The following GRIK1 variants were observed in gnomAD, a reference collection of about 807,000 sequenced individuals.
GRIK1 encodes the protein glutamate receptor ionotropic, kainate 1.
GRIK1 carries 69 observed loss-of-function variants against 105.7 expected under a neutral mutation model. The ratio of observed to expected loss-of-function variants is 0.65; its 90% CI spans 0.54 to 0.80. The LOEUF (loss-of-function observed/expected upper bound fraction) is 0.80, where lower values mean the gene tolerates loss of function less well. Ranked by LOEUF, GRIK1 falls within the 30% of genes least tolerant of loss-of-function variation. GRIK1 has a pLI of 0.00. For missense variants in GRIK1, 1,109 were observed against 1,167.3 expected (o/e 0.95, Z 0.73); for synonymous variants, 438 against 431.3 (o/e 1.02, Z -0.19).
intron 7 of GRIK1, among the ~76,000 whole-genome samples, chr21:29,636,257 C>G (rs2062395771): frequency 6.6e-6 from 1 of 152,120 alleles, no homozygotes; most frequent in African/African-American, 2.4e-5. Flanking sequence ...ATATCTTAGA[C>G]TGGATATTCT....
chr21:29,753,667 C>T (rs1224852873), intron 1 of GRIK1, among the ~76,000 whole-genome samples: 1 of 152,170 alleles, frequency 6.6e-6, no homozygotes, highest in Admixed American at 6.5e-5. Context: ...AAAGCAGATA[C>T]TGGCAGGCTA....
At chr21:29,862,733 T>C (rs1203896672) in intron 1 of GRIK1, among the ~76,000 whole-genome samples, 3 of 152,220 alleles carry the variant, frequency 2.0e-5, no homozygotes, top group Non-Finnish European at 4.4e-5. Context: ...AAACATTCAG[T>C]GAAACTAAGT....
chr21:29,555,127 G>C lies in GRIK1; in HGVS notation c.2532C>G (p.Ala844=). ...CTACAAATACAGAAAGGACCAGTCC[G>C]GCAGCCAGAACAATGAAGATGCCTC... ...NIGGIFIVLA[A]GLVLSVFVAI... is the part of the protein sequence containing the mutation. The change falls in exon 16 of 18, where the codon GCC becomes GCG. Residue 844 remains alanine (A), a synonymous_variant. Coordinates refer to ENST00000327783, the MANE Select transcript of GRIK1 (RefSeq NM_001330994.2). 1.2e-6 allele frequency: 2 copies of C among 1,613,252 alleles called. No homozygotes were observed. The highest frequency in any genetic ancestry group is 1.7e-6 in the Non-Finnish European group (2 of 1,179,290).
intron 3 of GRIK1, among the ~76,000 whole-genome samples, chr21:29,684,930 A>G (rs972524745): frequency 6.6e-6 from 1 of 152,046 alleles, no homozygotes; most frequent in Non-Finnish European, 1.5e-5. Flanking sequence ...TCATCTACCT[A>G]TCATCTGTCT....
intron 1 of GRIK1, among the ~76,000 whole-genome samples, chr21:29,910,449 A>G (rs1426712249): frequency 6.6e-6 from 1 of 152,120 alleles, no homozygotes; most frequent in Non-Finnish European, 1.5e-5. Flanking sequence ...AGAAATTAGC[A>G]ATGTACAAGT....
rs2062731476 is a variant in GRIK1 at position 29,651,301 on chromosome 21, A to T, written c.781-10T>A. On this transcript the variant is annotated splice_polypyrimidine_tract_variant and intron_variant, in intron 5 of 17. Coordinates refer to ENST00000327783, the MANE Select transcript of GRIK1 (RefSeq NM_001330994.2). ...CCAAAGCAAATAAGTCCTGCATAGT[A>T]TCAAAAAGGATAACAGTGGAAAATA... is the stretch of plus-strand genomic sequence containing the variant. The T allele has an allele frequency of 1.3e-6, 2 of 1,569,180 alleles. No homozygotes were observed. Among genetic ancestry groups the T allele is most frequent in the East Asian group, 4.5e-5 (2 of 44,480 alleles).
At position 29,641,986 on chromosome 21, in the gene GRIK1, C is replaced by T. The variant is rs551090042; in HGVS notation, c.1098+840G>A. Among the ~76,000 whole-genome samples, 3 of 152,266 alleles carry T rather than the reference C, an allele frequency of 2.0e-5. No individual in the cohort carries two copies. The East Asian group carries it at 5.8e-4, about 29-fold the overall frequency. ...CTCCAGTACAGAAAGGAAAAAAATA[C>T]TCTTCACTTGAGAACTAAATGTCTG... On this transcript the variant is annotated intron_variant, in intron 7 of 17. Transcript: ENST00000327783.
rs182809307 is a variant in GRIK1 at position 29,839,573 on chromosome 21, A to G, written c.118+99810T>C. ...AAAAGTGAGACTTGGTAGCATGTGT[A>G]TGACTTAGGGATTTGAGCTGATAGT... On this transcript the variant is annotated intron_variant, in intron 1 of 17. Coordinates refer to ENST00000327783, the MANE Select transcript of GRIK1 (RefSeq NM_001330994.2). Among the ~76,000 whole-genome samples, 162 of 152,332 alleles carry G rather than the reference A, an allele frequency of 1.1e-3. No individual in the cohort carries two copies. The Middle Eastern group carries it at 0.014, about 13-fold the overall frequency.
chr21:29,540,507 T>G (rs1341244835), intron 16 of GRIK1, among the ~76,000 whole-genome samples: 1 of 152,160 alleles, frequency 6.6e-6, no homozygotes, highest in Non-Finnish European at 1.5e-5. Flanking sequence ...TGAGCTTGAG[T>G]AAACCACACA....
intron 7 of GRIK1, among the ~76,000 whole-genome samples, chr21:29,605,543 T>G (rs1455182284): frequency 6.6e-6 from 1 of 152,178 alleles, no homozygotes; most frequent in East Asian, 1.9e-4. Context: ...GCATGTATCT[T>G]TATAATAGAA....
intron 1 of GRIK1, among the ~76,000 whole-genome samples, chr21:29,870,483 T>A (rs980569703): frequency 6.6e-6 from 1 of 151,642 alleles, no homozygotes; most frequent in Non-Finnish European, 1.5e-5. Flanking sequence ...AATAAAATGT[T>A]TTACATTTTA....
At chr21:29,803,898 G>T (rs1833150916) in intron 1 of GRIK1, among the ~76,000 whole-genome samples, 1 of 152,020 alleles carries the variant, frequency 6.6e-6, no homozygotes, top group African/African-American at 2.4e-5. Context: ...ATTATTTCTA[G>T]TTGGGGTCTG....
chr21:29,544,384 G>T (rs1434519349), intron 16 of GRIK1, among the ~76,000 whole-genome samples: 2 of 152,150 alleles, frequency 1.3e-5, no homozygotes, highest in Admixed American at 1.3e-4. Context: ...TAGGGGATGT[G>T]TAAGTTCATC....
intron 1 of GRIK1, among the ~76,000 whole-genome samples, chr21:29,879,216 G>A (rs2069305806): frequency 6.6e-6 from 1 of 152,078 alleles, no homozygotes; most frequent in Non-Finnish European, 1.5e-5. Context: ...ACAATAGCGG[G>A]GAAGCTATTA....
chr21:29,849,048 T>C (rs1253830490), intron 1 of GRIK1, among the ~76,000 whole-genome samples: 2 of 152,148 alleles, frequency 1.3e-5, no homozygotes, highest in East Asian at 3.9e-4. Flanking sequence ...ACACATAGTA[T>C]AGTTCCTGGC....
chr21:29,836,825 A>G (rs752032107), intron 1 of GRIK1, among the ~76,000 whole-genome samples: 1 of 152,208 alleles, frequency 6.6e-6, no homozygotes, highest in Non-Finnish European at 1.5e-5. Flanking sequence ...AAGCTTAGTT[A>G]TCTTCTTTCA....
intron 16 of GRIK1, among the ~76,000 whole-genome samples, chr21:29,547,755 G>A (rs2090070986): frequency 6.6e-6 from 1 of 151,834 alleles, no homozygotes; most frequent in South Asian, 2.1e-4. Flanking sequence ...TTCAGGCAAA[G>A]GAAAACCTCT....
intron 15 of GRIK1, among the ~76,000 whole-genome samples, chr21:29,560,357 T>TTCTTTTTC (rs1555835104): frequency 1.7e-5 from 1 of 58,112 alleles, no homozygotes; most frequent in African/African-American, 8.3e-5. Context: ...CTTTCTTTCT[T>TTCTTTTTC]TTTCTTTCTT....
intron 1 of GRIK1, among the ~76,000 whole-genome samples, chr21:29,860,094 A>C (rs952823498): frequency 3.3e-5 from 5 of 152,218 alleles, no homozygotes; most frequent in African/African-American, 1.2e-4. Flanking sequence ...TGGAGGAAAG[A>C]ATAAGAATCA....
Sources: allele counts gnomAD v4.1 joint callset (sites outside exome capture counted in the v4.1 genomes callset), GRCh38; gene constraint gnomAD v4.1.1; transcripts MANE v1.5; gene names NCBI Gene and HGNC (gene_info 2026-07-23, HGNC 2026-07-21).